GRID2: variants seen among roughly 807,000 people sequenced by gnomAD.
GRID2 encodes the protein glutamate receptor ionotropic, delta-2.
A neutral mutation model predicts 114.8 loss-of-function variants in GRID2; 33 were observed. The observed-to-expected ratio is 0.29, with a 90% CI of 0.22 to 0.38. The LOEUF (loss-of-function observed/expected upper bound fraction) is 0.38, where lower values mean the gene tolerates loss of function less well. Ranked by LOEUF, GRID2 falls within the 10% of genes least tolerant of loss-of-function variation. GRID2 has a pLI of 1.00. For missense variants in GRID2, 1,184 were observed against 1,257.7 expected (o/e 0.94, Z 0.89); for synonymous variants, 505 against 449.9 (o/e 1.12, Z -1.55).
At chr4:92,887,055 A>G (rs1407534885) in intron 2 of GRID2, among the ~76,000 whole-genome samples, 5 of 152,194 alleles carry the variant, frequency 3.3e-5, no homozygotes, top group Non-Finnish European at 5.9e-5. Flanking sequence ...ATAACTCTAC[A>G]TATGATTTCT....
At chr4:93,793,179 A>G (rs1407726741) in intron 1 of GRID2, among the ~76,000 whole-genome samples, 2 of 152,216 alleles carry the variant, frequency 1.3e-5, no homozygotes. Context: ...AGAAAAATGG[A>G]TGACTGTTTC....
chr4:92,359,174 C>T (rs1010656678), intron 1 of GRID2, among the ~76,000 whole-genome samples: 2 of 151,602 alleles, frequency 1.3e-5, no homozygotes, highest in African/African-American at 4.8e-5. Flanking sequence ...TTTTATGGTC[C>T]CTCTTCCTTC....
chr4:93,265,544 C>G (rs1279254561), intron 8 of GRID2, among the ~76,000 whole-genome samples: 2 of 152,122 alleles, frequency 1.3e-5, no homozygotes, highest in Non-Finnish European at 2.9e-5. Context: ...TTGATATAAA[C>G]AAGAGCTAAG....
chr4:92,440,027 C>T (rs1442103102), intron 1 of GRID2, among the ~76,000 whole-genome samples: 1 of 145,652 alleles, frequency 6.9e-6, no homozygotes, highest in African/African-American at 2.4e-5. Flanking sequence ...AGACTGGGGC[C>T]TAATAAAAAG....
At chr4:92,866,317 C>A (rs1339429740) in intron 2 of GRID2, among the ~76,000 whole-genome samples, 2 of 152,092 alleles carry the variant, frequency 1.3e-5, no homozygotes, top group African/African-American at 4.8e-5. Flanking sequence ...TCACTTCATA[C>A]AAATCTTTAG....
At chr4:93,609,108 T>G (rs1740657971) in intron 13 of GRID2, among the ~76,000 whole-genome samples, 1 of 108,276 alleles carries the variant, frequency 9.2e-6, no homozygotes, top group Non-Finnish European at 2.0e-5. Flanking sequence ...CATAAATGTC[T>G]TCTTTTGAGA....
At chr4:93,087,185 C>A (rs1233421718) in intron 3 of GRID2, among the ~76,000 whole-genome samples, 29 of 151,620 alleles carry the variant, frequency 1.9e-4, no homozygotes, top group Admixed American at 1.9e-3. Flanking sequence ...CAGGCACGTG[C>A]CAACACGCCT....
intron 2 of GRID2, among the ~76,000 whole-genome samples, chr4:92,827,883 TGTCAA>T (rs1741839726): frequency 6.6e-6 from 1 of 152,122 alleles, no homozygotes; most frequent in Admixed American, 6.6e-5. Flanking sequence ...AGGAATATGC[TGTCAA>T]GTCATTTGTT....
intron 13 of GRID2, among the ~76,000 whole-genome samples, chr4:93,560,239 A>AAAAAAAAAAAAAAAAAAAAAAAAAG (rs1734783320): frequency 6.7e-6 from 1 of 150,020 alleles, no homozygotes; most frequent in Non-Finnish European, 1.5e-5. Context: ...AAAAAAAAAA[A>AAAAAAAAAAAAAAAAAAAAAAAAAG]AAAAAAAAAA....
intron 1 of GRID2, among the ~76,000 whole-genome samples, chr4:93,780,359 A>G (rs1426226198): frequency 1.3e-5 from 2 of 152,230 alleles, no homozygotes; most frequent in South Asian, 2.1e-4. Flanking sequence ...TGTCTAAAGA[A>G]TAGCGAGACG....
chr4:92,914,593 C>T (rs1284851744), intron 2 of GRID2, among the ~76,000 whole-genome samples: 1 of 152,058 alleles, frequency 6.6e-6, no homozygotes, highest in Non-Finnish European at 1.5e-5. Context: ...CTGATAGGCC[C>T]TAGTGTATGT....
intron 2 of GRID2, among the ~76,000 whole-genome samples, chr4:92,774,029 T>C (rs1025793735): frequency 6.6e-6 from 1 of 152,148 alleles, no homozygotes; most frequent in Non-Finnish European, 1.5e-5. Flanking sequence ...TGGGGAGATA[T>C]AATAAAAGTT....
At chr4:93,163,564 GTT>G (rs112875511) in intron 4 of GRID2, among the ~76,000 whole-genome samples, 1 of 138,084 alleles carries the variant, frequency 7.2e-6, no homozygotes, top group African/African-American at 2.7e-5. Flanking sequence ...GCACTTGCCA[GTT>G]TTTTTTTTTT....
chr4:93,091,730 A>T lies in GRID2; in HGVS notation c.529+6451A>T, dbSNP rs528661932. On this transcript the variant is annotated intron_variant, in intron 3 of 15. Transcript: ENST00000282020. ...CTTACAGAGACTGATTGTGTCCCCC[A>T]CTTTGGCCTGCATGAACAAGCTGTG... Among the ~76,000 whole-genome samples the T allele has an allele frequency of 2.6e-5, 4 of 152,200 alleles. No homozygotes were observed. The South Asian group carries it at 8.3e-4, about 32-fold the overall frequency.
intron 2 of GRID2, among the ~76,000 whole-genome samples, chr4:92,868,058 T>C (rs796866922): frequency 7.4e-6 from 1 of 134,276 alleles, no homozygotes. Flanking sequence ...CTTTCTTTCT[T>C]TCTTTCTTTC....
chr4:93,480,978 A>ATTACTAAT lies in GRID2; in HGVS notation c.1859-9661_1859-9660insTTACTAAT, dbSNP rs1441288929. On this transcript the variant is annotated intron_variant, in intron 11 of 15. Transcript: ENST00000282020. The stretch of plus-strand genomic sequence containing the variant: ...TGCATTTTTGGTTCATTCTTTAATT[A>ATTACTAAT]GCCAATCTAATGAATTACTACCACC... 2.6e-5 allele frequency among the ~76,000 whole-genome samples: 4 copies of ATTACTAAT among 152,144 alleles called. No individual in the cohort carries two copies. In the East Asian group the frequency reaches 7.8e-4, roughly 30 times the overall value.
At chr4:92,511,557 A>G (rs1724252743) in intron 1 of GRID2, among the ~76,000 whole-genome samples, 1 of 151,928 alleles carries the variant, frequency 6.6e-6, no homozygotes, top group African/African-American at 2.4e-5. Flanking sequence ...TGGAATATAT[A>G]GTCACCAAGT....
chr4:93,499,367 GA>G (rs1727877103), intron 12 of GRID2, among the ~76,000 whole-genome samples: 1 of 151,892 alleles, frequency 6.6e-6, no homozygotes, highest in Non-Finnish European at 1.5e-5. Context: ...AAATTGGCTT[GA>G]AAAACTTTAT....
intron 2 of GRID2, among the ~76,000 whole-genome samples, chr4:92,817,004 C>T (rs1740957504): frequency 6.6e-6 from 1 of 152,010 alleles, no homozygotes; most frequent in South Asian, 2.1e-4. Flanking sequence ...AAAATCTAGT[C>T]CCATGTTTTA....
Sources: gnomAD v4.1 joint callset for allele counts (sites outside exome capture counted in the v4.1 genomes callset) on GRCh38, gnomAD v4.1.1 for gene constraint, MANE v1.5 for transcripts, NCBI Gene and HGNC (gene_info 2026-07-23, HGNC 2026-07-21) for gene names.